PKD2L2: variants seen among roughly 807,000 people sequenced by gnomAD.
PKD2L2 encodes the protein polycystin-2-like protein 2.
Under a neutral mutation model 83.9 loss-of-function variants are expected in PKD2L2, and 67 were observed. That is an observed-to-expected ratio of 0.80 (90% confidence interval 0.66 to 0.98). The LOEUF (loss-of-function observed/expected upper bound fraction) is 0.98, where lower values mean the gene tolerates loss of function less well. Ranked by LOEUF, PKD2L2 falls within the 50% of genes least tolerant of loss-of-function variation. PKD2L2 has a pLI of 0.00. For missense variants in PKD2L2, 632 were observed against 717.2 expected, an observed-to-expected ratio of 0.88 and a Z score of 1.36; for synonymous variants, 223 against 237.8, an observed-to-expected ratio of 0.94 and a Z score of 0.57.
At chr5:137,903,764 A>T (rs1757147685) in intron 5 of PKD2L2, among the ~76,000 whole-genome samples, 1 of 151,924 alleles carries the variant, frequency 6.6e-6, no homozygotes, top group South Asian at 2.1e-4. Context: ...TTTTATTTTT[A>T]ATTTAATTTT....
rs1426484057 is a variant in PKD2L2, at chr5:137,906,489, G to T, written c.975+55G>T. 11 of 833,256 alleles carry T rather than the reference G, an allele frequency of 1.3e-5. No individual in the cohort carries two copies. The African/African-American group carries it at 1.5e-4, about 12-fold the overall frequency. 51.6% of individuals were successfully genotyped at this position (833,256 alleles called of 1,614,324 possible). A position where few individuals can be genotyped will look rare whatever the true frequency, so the allele number is the denominator to read the frequency against. On this transcript the variant is annotated intron_variant, in intron 6 of 14. Transcript: ENST00000508883. ...GGGGATCACATCTGAACCTACCAAT[G>T]AAGGAGGTGTAAAAAGACAGAATCT...
At chr5:137,891,043 C>G (rs1755929762) in intron 2 of PKD2L2, among the ~76,000 whole-genome samples, 1 of 152,156 alleles carries the variant, frequency 6.6e-6, no homozygotes, top group African/African-American at 2.4e-5. Flanking sequence ...ATAGTTTGTG[C>G]TGAGTCAATG....
intron 8 of PKD2L2, among the ~76,000 whole-genome samples, chr5:137,910,231 CAATAATAATAATAAT>C (rs67797320): frequency 3.0e-3 from 420 of 138,924 alleles, no homozygotes; most frequent in Non-Finnish European, 3.9e-3. Flanking sequence ...ATCTCTAAAA[CAATAATAATAATAAT>C]AATAATAATA....
chr5:137,901,059 C>A (rs1245565616), intron 5 of PKD2L2, among the ~76,000 whole-genome samples: 1 of 151,568 alleles, frequency 6.6e-6, no homozygotes, highest in African/African-American at 2.4e-5. Context: ...TCGCTTGAAC[C>A]TGGGAGGCAG....
At chr5:137,933,967 A>T (rs968551450) in intron 12 of PKD2L2, among the ~76,000 whole-genome samples, 2 of 152,220 alleles carry the variant, frequency 1.3e-5, no homozygotes, top group African/African-American at 4.8e-5. Context: ...CATGCAATCT[A>T]TGAGGGTCTA....
intron 8 of PKD2L2, among the ~76,000 whole-genome samples, chr5:137,910,273 T>TAATAATAAA (rs1264847648): frequency 7.1e-6 from 1 of 139,932 alleles, no homozygotes; most frequent in Non-Finnish European, 1.6e-5. Flanking sequence ...ATAATAATAA[T>TAATAATAAA]AAAACTTGGT....
In PKD2L2 at chr5:137,895,083, T is replaced by C. The variant is rs148706642; in HGVS notation, c.524+474T>C. On this transcript the variant is annotated intron_variant, in intron 4 of 14. Coordinates refer to ENST00000508883, the MANE Select transcript of PKD2L2 (RefSeq NM_001300921.2). ...TGGGGCAGTTATGCTCTACAGGGAC[T>C]GCATCTGATGATGCTTTACAAAGAT... Among the ~76,000 whole-genome samples, 80 of 152,316 alleles carry C rather than the reference T, an allele frequency of 5.3e-4. 1 individual carries two copies. The highest frequency in any genetic ancestry group is 1.7e-3 in the Admixed American group (26 of 15,290).
At chr5:137,893,132 C>A (rs769001437) in intron 3 of PKD2L2, among the ~76,000 whole-genome samples, 1 of 152,026 alleles carries the variant, frequency 6.6e-6, no homozygotes, top group African/African-American at 2.4e-5. Flanking sequence ...AGAAGACTTG[C>A]ATCTACTATG....
In PKD2L2 at chr5:137,908,969, A is replaced by G. The variant is rs1390553918; in HGVS notation, c.1328+23A>G. 2.1e-6 allele frequency: 3 copies of G among 1,410,566 alleles called. No individual in the cohort carries two copies. In the East Asian group the frequency reaches 6.9e-5, roughly 33 times the overall value. 87.4% of individuals were successfully genotyped at this position (1,410,566 alleles called of 1,614,324 possible). ...CATGTAAGCTCTTAGTATAAATGTA[A>G]TTATATCTTCTATATTTTCTTACAA... On this transcript the variant is annotated intron_variant, in intron 8 of 14. Transcript: ENST00000508883.
In PKD2L2 at chr5:137,908,833, A is replaced by T; in HGVS notation, c.1215A>T (p.Lys405Asn). 6.3e-7 allele frequency: 1 copy of T among 1,593,200 alleles called. No individual in the cohort carries two copies. Among genetic ancestry groups the T allele is most frequent in the Non-Finnish European group, 8.6e-7 (1 of 1,161,662 alleles). Reference sequence around the variant, plus strand: ...CATCAACCTTGTCCCGTTGTGTTAAAGACATAGTAGGATTTGCCATCATGT... The same window carrying T: ...CATCAACCTTGTCCCGTTGTGTTAATGACATAGTAGGATTTGCCATCATGT... Reference protein sequence around the residue: ...QLSSTLSRCVKDIVGFAIMFF... With the variant: ...QLSSTLSRCVNDIVGFAIMFF... Residue 405 changes from lysine to asparagine, a missense_variant, in exon 8 of 15, where the codon AAA becomes AAT. Coordinates refer to ENST00000508883, the MANE Select transcript of PKD2L2 (RefSeq NM_001300921.2).
intron 14 of PKD2L2, chr5:137,940,391 G>T (rs753796582): frequency 1.4e-6 from 2 of 1,438,722 alleles, no homozygotes; most frequent in Non-Finnish European, 1.9e-6. Flanking sequence ...GAGATCATTT[G>T]GAAAAAAAGA....
intron 6 of PKD2L2, among the ~76,000 whole-genome samples, chr5:137,906,753 C>T (rs1033802987): frequency 4.0e-5 from 5 of 124,232 alleles, no homozygotes; most frequent in Non-Finnish European, 8.6e-5. Flanking sequence ...CCTTGAGTTT[C>T]ACCAGTCACG....
intron 12 of PKD2L2, among the ~76,000 whole-genome samples, chr5:137,930,529 G>C (rs1026921956): frequency 2.0e-5 from 3 of 151,766 alleles, no homozygotes; most frequent in Non-Finnish European, 4.4e-5. Context: ...AAATTAGCCG[G>C]GTGTGGTGGC....
chr5:137,935,768 C>T, intron 12 of PKD2L2, 29 bp from the exon 13 acceptor site: 1 of 1,161,130 alleles, frequency 8.6e-7, no homozygotes, highest in South Asian at 1.3e-5. Flanking sequence ...CTAAAGATTG[C>T]AGCCTTTACT....
intron 5 of PKD2L2, among the ~76,000 whole-genome samples, chr5:137,901,562 C>T (rs1165655022): frequency 6.6e-6 from 1 of 152,188 alleles, no homozygotes; most frequent in Non-Finnish European, 1.5e-5. Context: ...AAATTGCTAA[C>T]CCCCCTAACC....
At chr5:137,905,740 G>A (rs1757313862) in intron 5 of PKD2L2, among the ~76,000 whole-genome samples, 1 of 152,170 alleles carries the variant, frequency 6.6e-6, no homozygotes, top group South Asian at 2.1e-4. Flanking sequence ...TTAGAAGCAA[G>A]AAGCATTTCT....
Position 137,942,549 on chromosome 5 carries a change from G to A in PKD2L2, c.*183G>A. ...CTAATTTAAACAAAATTTTTATACA[G>A]TCTGGGTCCCACTATATTGCCCAGG... On this transcript the variant is annotated 3_prime_UTR_variant, in exon 15 of 15. Transcript: ENST00000508883. 1 of 279,502 alleles carries A rather than the reference G, an allele frequency of 3.6e-6. No individual in the cohort carries two copies. The highest frequency in any genetic ancestry group is 6.7e-6 in the Non-Finnish European group (1 of 149,694). The allele number at this position is 279,502 out of a possible 1,614,324, so 17.3% of individuals were successfully genotyped here. A position where few individuals can be genotyped will look rare whatever the true frequency, so the allele number is the denominator to read the frequency against.
chr5:137,933,050 C>A (rs370405672), intron 12 of PKD2L2, among the ~76,000 whole-genome samples: 77 of 122,586 alleles, frequency 6.3e-4, no homozygotes, highest in Admixed American at 6.7e-4. Flanking sequence ...CAAAACAAAC[C>A]AAAAAAAAAA....
intron 4 of PKD2L2, among the ~76,000 whole-genome samples, chr5:137,899,209 C>A (rs967309774): frequency 6.6e-6 from 1 of 152,106 alleles, no homozygotes; most frequent in Admixed American, 6.5e-5. Context: ...CTCAACCTCC[C>A]GGGCCCAAAC....
Sources: gnomAD v4.1 joint callset for allele counts (sites outside exome capture counted in the v4.1 genomes callset) on GRCh38, gnomAD v4.1.1 for gene constraint, MANE v1.5 for transcripts, NCBI Gene and HGNC (gene_info 2026-07-23, HGNC 2026-07-21) for gene names.